The following MYO10 variants were observed in gnomAD, a reference collection of about 807,000 sequenced individuals.
The protein encoded by MYO10 is myosin X.
In MYO10, 133 loss-of-function variants were observed where a neutral mutation model predicts 257.3. The ratio of observed to expected loss-of-function variants is 0.52; its 90% CI spans 0.45 to 0.60. The LOEUF is 0.60. Ranked by LOEUF, MYO10 falls within the 20% of genes least tolerant of loss-of-function variation. The pLI, the probability that MYO10 is intolerant of heterozygous loss-of-function variation, is 0.00. For missense variants in MYO10, 2,399 were observed against 2,635.7 expected, an observed-to-expected ratio of 0.91 and a Z score of 1.97; for synonymous variants, 1,104 against 1,028.6, an observed-to-expected ratio of 1.07 and a Z score of -1.40.
chr5:16,760,356 G>C (rs1396534761), intron 17 of MYO10, among the ~76,000 whole-genome samples: 1 of 151,150 alleles, frequency 6.6e-6, no homozygotes, highest in African/African-American at 2.4e-5. Flanking sequence ...AGCTACTCGG[G>C]AGGCTGAGGC....
chr5:16,754,732 T>A (rs1417524490), intron 19 of MYO10, 96 bp downstream of exon 19: 2 of 769,284 alleles, frequency 2.6e-6, no homozygotes, highest in Non-Finnish European at 4.0e-6. Context: ...CCATCTACAA[T>A]GAAAGGACTT....
intron 2 of MYO10, among the ~76,000 whole-genome samples, chr5:16,875,121 G>C (rs968711048): frequency 2.0e-5 from 3 of 152,152 alleles, no homozygotes; most frequent in Non-Finnish European, 4.4e-5. Flanking sequence ...TGGGAATTCT[G>C]AGAGATACAA....
intron 27 of MYO10, among the ~76,000 whole-genome samples, chr5:16,693,877 C>T (rs1371722362): frequency 6.6e-6 from 1 of 152,156 alleles, no homozygotes; most frequent in African/African-American, 2.4e-5. Flanking sequence ...GAAGACCAGC[C>T]CTGTTCCTCT....
At chr5:16,676,596 A>G (rs558281626) in intron 33 of MYO10, among the ~76,000 whole-genome samples, 4 of 152,112 alleles carry the variant, frequency 2.6e-5, no homozygotes, top group Non-Finnish European at 5.9e-5. Context: ...AGTAGCTGTA[A>G]TCTCAGCTAC....
At chr5:16,805,458 C>CAAAAAAAAAAAAAAAAAAAA (rs36126574) in intron 3 of MYO10, among the ~76,000 whole-genome samples, 2 of 78,338 alleles carry the variant, frequency 2.6e-5, no homozygotes, top group African/African-American at 1.0e-4. Context: ...GACTCCATCT[C>CAAAAAAAAAAAAAAAAAAAA]AAAAAAAAAA....
intron 9 of MYO10, among the ~76,000 whole-genome samples, chr5:16,778,971 T>A (rs1405470168): frequency 6.6e-6 from 1 of 152,162 alleles, no homozygotes; most frequent in Non-Finnish European, 1.5e-5. Context: ...ATTATAGGCA[T>A]GAGCCACCGC....
chr5:16,828,635 A>T (rs1743071054), intron 2 of MYO10, among the ~76,000 whole-genome samples: 1 of 151,910 alleles, frequency 6.6e-6, no homozygotes, highest in Non-Finnish European at 1.5e-5. Context: ...AAAAAAAAAA[A>T]AAAGCAAAGA....
chr5:16,858,118 T>C (rs967831500), intron 2 of MYO10, among the ~76,000 whole-genome samples: 30 of 152,228 alleles, frequency 2.0e-4, no homozygotes, highest in Admixed American at 5.2e-4. Flanking sequence ...CGCTACCTGC[T>C]GTGAACGCAG....
At chr5:16,911,979 G>A (rs995214359) in intron 1 of MYO10, among the ~76,000 whole-genome samples, 6 of 151,962 alleles carry the variant, frequency 3.9e-5, no homozygotes, top group African/African-American at 1.5e-4. Flanking sequence ...AGGTTGCAGT[G>A]AGCCAAGATC....
chr5:16,907,436 T>C (rs1745548406), intron 1 of MYO10, among the ~76,000 whole-genome samples: 1 of 151,688 alleles, frequency 6.6e-6, no homozygotes, highest in Admixed American at 6.6e-5. Context: ...AGAATAAAAG[T>C]CCCCACTGAT....
In MYO10 at chr5:16,833,447, C is replaced by A. The variant is rs540001594; in HGVS notation, c.121-15280G>T. 2.0e-5 allele frequency among the ~76,000 whole-genome samples: 3 copies of A among 152,162 alleles called. No individual in the cohort carries two copies. The East Asian group carries it at 5.8e-4, about 29-fold the overall frequency. On this transcript the variant is annotated intron_variant, in intron 2 of 40. Transcript: ENST00000513610. Reference sequence around the variant, plus strand: ...CAGGCTGGTCTCGAACTCCTGACCTCGTGATTTGCCCACCTCAGCCTCCCA... The same window carrying A: ...CAGGCTGGTCTCGAACTCCTGACCTAGTGATTTGCCCACCTCAGCCTCCCA...
At chr5:16,730,889 A>G (rs1739555360) in intron 19 of MYO10, among the ~76,000 whole-genome samples, 1 of 152,136 alleles carries the variant, frequency 6.6e-6, no homozygotes. Flanking sequence ...AGATGCTCTC[A>G]GTCCTTTGAT....
At chr5:16,767,388 T>TC (rs1306212425) in intron 10 of MYO10, among the ~76,000 whole-genome samples, 1 of 151,928 alleles carries the variant, frequency 6.6e-6, no homozygotes, top group East Asian at 1.9e-4. Context: ...CTGGCTGGTC[T>TC]CCAACTCCTG....
At chr5:16,828,356 A>T (rs1743061102) in intron 2 of MYO10, among the ~76,000 whole-genome samples, 1 of 152,172 alleles carries the variant, frequency 6.6e-6, no homozygotes, top group Admixed American at 6.5e-5. Context: ...GTATAATCCC[A>T]GCACTTTGGG....
chr5:16,933,048 C>T (rs1320335816), intron 1 of MYO10, among the ~76,000 whole-genome samples: 2 of 152,176 alleles, frequency 1.3e-5, no homozygotes, highest in Admixed American at 1.3e-4. Flanking sequence ...CTTGAGCCAC[C>T]GCACCCGGCC....
intron 21 of MYO10, among the ~76,000 whole-genome samples, chr5:16,709,095 C>T (rs1281425110): frequency 6.6e-6 from 1 of 152,190 alleles, no homozygotes; most frequent in East Asian, 1.9e-4. Context: ...AGCAAGACAA[C>T]AGGACAGCAT....
intron 1 of MYO10, chr5:16,915,987 C>A: frequency 2.2e-6 from 1 of 448,130 alleles, no homozygotes; most frequent in South Asian, 1.6e-5. Context: ...AATCACTCAC[C>A]ATACATTTCT....
At chr5:16,753,460 C>T (rs1033722590) in intron 19 of MYO10, among the ~76,000 whole-genome samples, 2 of 148,946 alleles carry the variant, frequency 1.3e-5, no homozygotes, top group East Asian at 4.0e-4. Context: ...AGCCACCGTG[C>T]CCGGCCTTTT....
intron 21 of MYO10, among the ~76,000 whole-genome samples, chr5:16,706,658 C>T (rs1738362194): frequency 1.3e-5 from 2 of 152,104 alleles, no homozygotes; most frequent in African/African-American, 4.8e-5. Flanking sequence ...TGTGAAGGAA[C>T]AAAGGTCTTC....
Sources: gnomAD v4.1 joint callset for allele counts (sites outside exome capture counted in the v4.1 genomes callset) on GRCh38, gnomAD v4.1.1 for gene constraint, MANE v1.5 for transcripts, NCBI Gene and HGNC (gene_info 2026-07-23, HGNC 2026-07-21) for gene names.